The following REL variants were observed in gnomAD, a reference collection of about 807,000 sequenced individuals.
The protein encoded by REL is proto-oncogene c-Rel.
REL carries 15 observed loss-of-function variants against 45.9 expected under a neutral mutation model. That is an observed-to-expected ratio of 0.33 (90% CI 0.22 to 0.50). REL has a LOEUF of 0.50. REL is among the 20% of genes least tolerant of loss of function. REL has a pLI of 0.98. For missense variants in REL, 601 were observed against 715.2 expected, an observed-to-expected ratio of 0.84 and a Z score of 1.82; for synonymous variants, 239 against 242.1, an observed-to-expected ratio of 0.99 and a Z score of 0.12.
chr2:60,910,039 T>C (rs1673768560), intron 4 of REL, among the ~76,000 whole-genome samples: 1 of 152,270 alleles, frequency 6.6e-6, no homozygotes, highest in Admixed American at 6.5e-5. Flanking sequence ...ATTTTTAAAA[T>C]TTAATTCCTG....
At position 60,901,019 on chromosome 2, in the gene REL, G is replaced by T. The variant is rs1418615870; in HGVS notation, c.330G>T (p.Val110=). Residue 110 remains valine (V), a synonymous_variant, in exon 4 of 10, where the codon GTG becomes GTT. Coordinates refer to ENST00000394479, the MANE Select transcript of REL (RefSeq NM_001291746.2). ...TCCAAAATTTGGGTATTCGATGTGT[G>T]AAGAAAAAAGAAGTAAAAGAAGCTA... is the stretch of plus-strand genomic sequence containing the variant. The part of the protein sequence containing the change: ...LFFQNLGIRC[V]KKKEVKEAII... The T allele has an allele frequency of 8.1e-6, 13 of 1,609,080 alleles. No individual in the cohort carries two copies. Among genetic ancestry groups the T allele is most frequent in the Non-Finnish European group, 1.1e-5 (13 of 1,178,496 alleles).
intron 4 of REL, among the ~76,000 whole-genome samples, chr2:60,913,514 T>A (rs1673876646): frequency 6.6e-6 from 1 of 152,172 alleles, no homozygotes; most frequent in African/African-American, 2.4e-5. Context: ...AGTTCACCCT[T>A]ACTCCTAGGG....
In REL at chr2:60,906,168, C is replaced by A. The variant is rs566387210; in HGVS notation, c.394+5085C>A. 5.9e-5 allele frequency among the ~76,000 whole-genome samples: 9 copies of A among 152,314 alleles called. No homozygotes were observed. The East Asian group carries it at 1.7e-3, about 29-fold the overall frequency. ...CACGAGAGCAGTATGGGGGAAACCA[C>A]CCCCATGATTCAAATTATCTCCCAC... is the stretch of plus-strand genomic sequence containing the variant. On this transcript the variant is annotated intron_variant, in intron 4 of 9. Transcript: ENST00000394479.
Position 60,926,043 on chromosome 2 carries a change from G to C in REL, c.*3508G>C, listed in dbSNP as rs1270144485. On this transcript the variant is annotated 3_prime_UTR_variant, in exon 10 of 10. Transcript: ENST00000394479. ...ATGAATTTGGTAACGTTTCTCCTCT[G>C]TCTCTACATATATTCATGCTTTCAC... The C allele has an allele frequency of 4.4e-6, 1 of 229,368 alleles. No homozygotes were observed. The highest frequency in any genetic ancestry group is 8.7e-6 in the Non-Finnish European group (1 of 115,438). The allele number at this position is 229,368 out of a possible 1,614,324, so 14.2% of individuals were successfully genotyped here. A position where few individuals can be genotyped will look rare whatever the true frequency, so the allele number is the denominator to read the frequency against.
At chr2:60,885,393 AATTT>A in intron 1 of REL, among the ~76,000 whole-genome samples, 1 of 152,080 alleles carries the variant, frequency 6.6e-6, no homozygotes, top group East Asian at 1.9e-4. Flanking sequence ...CAGCTTTTAA[AATTT>A]ATTTATTTTA....
Position 60,930,064 on chromosome 2 carries a change from T to G in REL, c.*7529T>G, listed in dbSNP as rs888109517. ...ATCAAATAATTTGTTATATCTTTAA[T>G]TTATTGAAGGATCACCACATGCTTT... On this transcript the variant is annotated 3_prime_UTR_variant, in exon 10 of 10. Transcript: ENST00000394479. 1.3e-5 allele frequency: 2 copies of G among 152,074 alleles called. No individual in the cohort carries two copies. The highest frequency in any genetic ancestry group is 1.5e-5 in the Non-Finnish European group (1 of 67,992). 9.4% of individuals were successfully genotyped at this position (152,074 alleles called of 1,614,324 possible).
Position 60,930,410 on chromosome 2 carries a change from T to G in REL, c.*7875T>G, listed in dbSNP as rs1055964062. 4 of 152,384 alleles carry G rather than the reference T, an allele frequency of 2.6e-5. No individual in the cohort carries two copies. The highest frequency in any genetic ancestry group is 7.2e-5 in the African/African-American group (3 of 41,480). The allele number at this position is 152,384 out of a possible 1,614,324, so 9.4% of individuals were successfully genotyped here. A position where few individuals can be genotyped will look rare whatever the true frequency, so the allele number is the denominator to read the frequency against. ...AGTTATTGCCCAGCTTTGGAGAGCC[T>G]TCTTTTGGCTTATCATTTATTATAA... is the stretch of plus-strand genomic sequence containing the variant. On this transcript the variant is annotated 3_prime_UTR_variant, in exon 10 of 10. Coordinates refer to ENST00000394479, the MANE Select transcript of REL (RefSeq NM_001291746.2).
chr2:60,903,647 C>T (rs1168672904), intron 4 of REL, among the ~76,000 whole-genome samples: 2 of 152,142 alleles, frequency 1.3e-5, no homozygotes, highest in South Asian at 2.1e-4. Flanking sequence ...GATTCTCGTG[C>T]CTCAGCCTCT....
At chr2:60,889,942 A>G (rs1176216098) in intron 1 of REL, among the ~76,000 whole-genome samples, 1 of 152,204 alleles carries the variant, frequency 6.6e-6, no homozygotes, top group African/African-American at 2.4e-5. Flanking sequence ...AGCATGATTT[A>G]TAATCTTTTG....
intron 8 of REL, 79 bp from the exon 9 acceptor site, chr2:60,920,495 C>A (rs1674112082): frequency 1.8e-6 from 2 of 1,134,460 alleles, no homozygotes; most frequent in South Asian, 1.3e-5. Context: ...GCCACCACGC[C>A]CGGCCAGTTT....
chr2:60,903,166 G>A (rs920651844), intron 4 of REL, among the ~76,000 whole-genome samples: 6 of 152,190 alleles, frequency 3.9e-5, no homozygotes, highest in African/African-American at 1.4e-4. Context: ...ATGTCAGGGA[G>A]TAAACGTTAG....
intron 5 of REL, among the ~76,000 whole-genome samples, chr2:60,917,374 ATTC>A (rs1558816548): frequency 1.3e-5 from 2 of 152,082 alleles, no homozygotes; most frequent in African/African-American, 4.8e-5. Flanking sequence ...TAATCACCTT[ATTC>A]TTTTCAGTAG....
rs539554249 is a variant in REL at position 60,893,270 on chromosome 2, A to G, written c.154-1127A>G. 5.3e-5 allele frequency among the ~76,000 whole-genome samples: 8 copies of G among 152,350 alleles called. No individual in the cohort carries two copies. The South Asian group carries it at 1.7e-3, about 32-fold the overall frequency. ...TTTACAAAATCTATTCTGTTGATGA[A>G]CTTAAAGGGAATTGCTGAATTATAG... On this transcript the variant is annotated intron_variant, in intron 2 of 9. Transcript: ENST00000394479.
At chr2:60,902,632 C>T (rs1291823425) in intron 4 of REL, among the ~76,000 whole-genome samples, 3 of 137,106 alleles carry the variant, frequency 2.2e-5, no homozygotes, top group African/African-American at 2.8e-5. Flanking sequence ...CTTGCTCTGT[C>T]GCCCAGGATG....
chr2:60,908,035 A>T (rs1390345926), intron 4 of REL, among the ~76,000 whole-genome samples: 1 of 151,848 alleles, frequency 6.6e-6, no homozygotes, highest in Non-Finnish European at 1.5e-5. Flanking sequence ...TGTTTTCCTT[A>T]CCTGAGATGC....
intron 1 of REL, among the ~76,000 whole-genome samples, 153 bp from the exon 2 acceptor site, chr2:60,891,530 A>T (rs775640447): frequency 2.2e-4 from 34 of 152,328 alleles, no homozygotes; most frequent in Non-Finnish European, 3.4e-4. Context: ...CTCCCAGCCA[A>T]TCTCCAAGAT....
chr2:60,891,786 G>A lies in REL; in HGVS notation c.114G>A (p.Glu38=), dbSNP rs2103927695. The A allele has an allele frequency of 6.2e-7, 1 of 1,613,994 alleles. No individual in the cohort carries two copies. Among genetic ancestry groups the A allele is most frequent in the Admixed American group, 1.7e-5 (1 of 59,998 alleles). The change falls in exon 2 of 10, where the codon GAG becomes GAA. Residue 38 remains glutamate (E), a synonymous_variant. Coordinates refer to ENST00000394479, the MANE Select transcript of REL (RefSeq NM_001291746.2). The part of the protein sequence containing the change: ...EGRSAGSIPG[E]HSTDNNRTYP... The stretch of plus-strand genomic sequence containing the variant: ...GATCAGCAGGCAGCATTCCAGGGGA[G>A]CACAGCACAGACAACAACCGAACAT...
At chr2:60,891,999 TA>T (rs1673227985) in intron 2 of REL, among the ~76,000 whole-genome samples, 174 bp downstream of exon 2, 1 of 152,124 alleles carries the variant, frequency 6.6e-6, no homozygotes, top group Admixed American at 6.5e-5. Flanking sequence ...GATAGATGTC[TA>T]AGGACATTTC....
Position 60,922,349 on chromosome 2 carries a change from A to G in REL, c.1578A>G (p.Gln526=), listed in dbSNP as rs148334713. Residue 526 remains glutamine (Q), a synonymous_variant, in exon 10 of 10, where the codon CAA becomes CAG. Transcript: ENST00000394479. Reference sequence around the variant, plus strand: ...CCAATACTACTGTTTTTGTTTCACAATCAGATGCATTTGAGGGATCTGACT... The same window carrying G: ...CCAATACTACTGTTTTTGTTTCACAGTCAGATGCATTTGAGGGATCTGACT... ...ANSNTTVFVS[Q]SDAFEGSDFS... is the part of the protein sequence containing the mutation. 24 of 1,614,012 alleles carry G rather than the reference A, an allele frequency of 1.5e-5. No individual in the cohort carries two copies. The highest frequency in any genetic ancestry group is 3.3e-4 in the Middle Eastern group (2 of 6,084).
Sources: allele counts gnomAD v4.1 joint callset (sites outside exome capture counted in the v4.1 genomes callset), GRCh38; gene constraint gnomAD v4.1.1; transcripts MANE v1.5; gene names NCBI Gene and HGNC (gene_info 2026-07-23, HGNC 2026-07-21).